DMD: variants seen among roughly 807,000 people sequenced by gnomAD.
DMD encodes the protein mutant dystrophin.
Under a neutral mutation model 330.1 loss-of-function variants are expected in DMD, and 63 were observed. The ratio of observed to expected loss-of-function variants is 0.19; its 90% CI spans 0.16 to 0.24. The LOEUF (loss-of-function observed/expected upper bound fraction) is 0.24. Ranked by LOEUF, DMD falls within the 10% of genes least tolerant of loss-of-function variation. The pLI, the probability that DMD is intolerant of heterozygous loss-of-function variation, is 1.00. For synonymous variants in DMD, 1,223 were observed against 959.8 expected, an observed-to-expected ratio of 1.27 and a Z score of -5.07; for missense variants, 3,344 against 2,684.1, an observed-to-expected ratio of 1.25 and a Z score of -5.43.
At chrX:33,021,312 T>C (rs1306778481) in intron 1 of DMD, among the ~76,000 whole-genome samples, 1 of 110,739 alleles carries the variant, frequency 9.0e-6, no homozygotes, top group Non-Finnish European at 1.9e-5. Context: ...TTAAGTCAAA[T>C]GGACAGAAAA....
Position 31,373,829 on chromosome X carries a change from T to C in DMD, c.9085-25195A>G, listed in dbSNP as rs1304093392. On this transcript the variant is annotated intron_variant, in intron 60 of 78. Transcript: ENST00000357033. Reference sequence around the variant, plus strand: ...GCCAAAATTGACAAATGGGATCTAATTAAACTAAAGAGCTTCTGCACAGCA... The same window carrying C: ...GCCAAAATTGACAAATGGGATCTAACTAAACTAAAGAGCTTCTGCACAGCA... 5.5e-4 allele frequency among the ~76,000 whole-genome samples: 60 copies of C among 108,598 alleles called. 1 individual carries two copies. The highest frequency in any genetic ancestry group is 2.0e-3 in the African/African-American group (60 of 29,615). The allele number at this position is 108,598 out of a possible 115,157, so 94.3% of individuals were successfully genotyped here.
At chrX:32,367,503 C>T (rs952192899) in intron 34 of DMD, among the ~76,000 whole-genome samples, 8 of 112,307 alleles carry the variant, frequency 7.1e-5, no homozygotes. Context: ...TATATTTTAG[C>T]ATCAATGTAA....
chrX:32,682,441 A>T (rs1220302113), intron 9 of DMD, among the ~76,000 whole-genome samples: 1 of 111,801 alleles, frequency 8.9e-6, no homozygotes, highest in Non-Finnish European at 1.9e-5. Context: ...CTACTCTGAC[A>T]GAGGGCTCAC....
At chrX:32,714,197 G>A in intron 7 of DMD, among the ~76,000 whole-genome samples, 1 of 111,135 alleles carries the variant, frequency 9.0e-6, no homozygotes, top group East Asian at 2.8e-4. Context: ...AGATTTAAGG[G>A]GTACAAGTGC....
At chrX:31,341,910 C>CATGT (rs1569529227) in intron 61 of DMD, among the ~76,000 whole-genome samples, 55 of 110,608 alleles carry the variant, frequency 5.0e-4, no homozygotes, top group Admixed American at 1.9e-3. Flanking sequence ...CACACACACA[C>CATGT]ACACACACAC....
At chrX:32,465,482 T>A (rs1013860275) in intron 23 of DMD, among the ~76,000 whole-genome samples, 7 of 110,887 alleles carry the variant, frequency 6.3e-5, no homozygotes, top group Non-Finnish European at 1.1e-4. Context: ...TAAGAGAACT[T>A]CAAGACGATC....
chrX:32,939,130 C>A (rs948960095), intron 2 of DMD, among the ~76,000 whole-genome samples: 5 of 108,789 alleles, frequency 4.6e-5, no homozygotes, highest in Admixed American at 3.0e-4. Context: ...AATACCCTGT[C>A]ACTTCGCTAA....
chrX:31,524,124 T>C (rs994742093), intron 55 of DMD, among the ~76,000 whole-genome samples: 9 of 111,874 alleles, frequency 8.0e-5, no homozygotes, highest in African/African-American at 2.3e-4. Context: ...GGCTCTGAGG[T>C]TGGGGAGAAA....
intron 52 of DMD, among the ~76,000 whole-genome samples, chrX:31,684,373 C>T (rs184335714): frequency 9.0e-6 from 1 of 111,707 alleles, no homozygotes; most frequent in African/African-American, 3.2e-5. Context: ...AGAAAAGTCC[C>T]TGAGAAGGTG....
At chrX:31,549,326 GA>G (rs755044016) in intron 55 of DMD, among the ~76,000 whole-genome samples, 29 of 103,509 alleles carry the variant, frequency 2.8e-4, no homozygotes, top group African/African-American at 5.6e-4. Flanking sequence ...CAACTACCCT[GA>G]AAAAAAAAAA....
At chrX:31,867,196 T>C (rs2093814573) in intron 48 of DMD, among the ~76,000 whole-genome samples, 1 of 99,135 alleles carries the variant, frequency 1.0e-5, no homozygotes, top group African/African-American at 3.5e-5. Flanking sequence ...TAATAAGAGA[T>C]TGCAAAATTT....
At chrX:32,332,416 G>GTGTGTGTGTA (rs1451866584) in intron 41 of DMD, among the ~76,000 whole-genome samples, 12 of 106,086 alleles carry the variant, frequency 1.1e-4, no homozygotes, top group Non-Finnish European at 5.9e-5. Context: ...GATAAAAAGT[G>GTGTGTGTGTA]TGTGTGTGTG....
At chrX:32,471,282 A>G (rs1569564260) in intron 22 of DMD, among the ~76,000 whole-genome samples, 1 of 112,169 alleles carries the variant, frequency 8.9e-6, no homozygotes, top group Non-Finnish European at 1.9e-5. Flanking sequence ...CCGTCTAAAA[A>G]TAAAATAAAG....
chrX:31,668,161 T>C (rs1194629176), intron 53 of DMD, among the ~76,000 whole-genome samples: 2 of 112,173 alleles, frequency 1.8e-5, no homozygotes, highest in Non-Finnish European at 3.8e-5. Context: ...ATATTCTTGA[T>C]ACAAGTATCT....
At chrX:32,257,002 G>C (rs951198988) in intron 43 of DMD, among the ~76,000 whole-genome samples, 1 of 111,261 alleles carries the variant, frequency 9.0e-6, no homozygotes, top group African/African-American at 3.3e-5. Context: ...AAGATCACAA[G>C]CATTCCTATA....
chrX:32,149,957 G>A (rs182776342), intron 44 of DMD, among the ~76,000 whole-genome samples: 1 of 111,858 alleles, frequency 8.9e-6, no homozygotes, highest in East Asian at 2.8e-4. Flanking sequence ...GAAAGCTCAC[G>A]TATTTATGTG....
intron 60 of DMD, among the ~76,000 whole-genome samples, chrX:31,392,656 C>T (rs1182677854): frequency 8.9e-6 from 1 of 112,291 alleles, no homozygotes; most frequent in African/African-American, 3.2e-5. Context: ...GACAAAAGAT[C>T]ATTCCACAAT....
At chrX:33,000,955 C>A (rs866768786) in intron 2 of DMD, among the ~76,000 whole-genome samples, 6 of 111,081 alleles carry the variant, frequency 5.4e-5, no homozygotes, top group African/African-American at 9.8e-5. Context: ...ATTAATTATT[C>A]TATATTTTTT....
At chrX:31,138,654 A>G (rs1387846146) in intron 76 of DMD, among the ~76,000 whole-genome samples, 8 of 92,755 alleles carry the variant, frequency 8.6e-5, no homozygotes, top group African/African-American at 2.8e-4. Context: ...AGAGAGAGAG[A>G]GAGAGAGAGA....
Sources: gnomAD v4.1 joint callset for allele counts (sites outside exome capture counted in the v4.1 genomes callset) on GRCh38, gnomAD v4.1.1 for gene constraint, MANE v1.5 for transcripts, NCBI Gene and HGNC (gene_info 2026-07-23, HGNC 2026-07-21) for gene names.